The following TBX15 variants were observed in gnomAD, a reference collection of about 807,000 sequenced individuals.
The protein encoded by TBX15 is T-box transcription factor TBX15.
In TBX15, 18 loss-of-function variants were observed where a neutral mutation model predicts 53.9. That is an observed-to-expected ratio of 0.33 (90% CI 0.23 to 0.49). The LOEUF is 0.49. Ranked by LOEUF, TBX15 falls within the 20% of genes least tolerant of loss-of-function variation. The pLI, the probability that TBX15 is intolerant of heterozygous loss-of-function variation, is 0.98. For missense variants in TBX15, 692 were observed against 749.5 expected (o/e 0.92, Z 0.90); for synonymous variants, 295 against 278.0 (o/e 1.06, Z -0.61).
chr1:118,910,550 T>G (rs544027901), intron 6 of TBX15, among the ~76,000 whole-genome samples: 1 of 152,312 alleles, frequency 6.6e-6, no homozygotes, highest in Admixed American at 6.5e-5. Flanking sequence ...TGTATCCTCA[T>G]CTATCAATAT....
At chr1:118,983,121 C>T (rs1174938520) in intron 1 of TBX15, among the ~76,000 whole-genome samples, 1 of 152,126 alleles carries the variant, frequency 6.6e-6, no homozygotes, top group African/African-American at 2.4e-5. Flanking sequence ...ACCCGCACAC[C>T]CCCTTGTGAT....
At chr1:118,928,176 G>C (rs2101604579) in intron 2 of TBX15, among the ~76,000 whole-genome samples, 1 of 152,258 alleles carries the variant, frequency 6.6e-6, no homozygotes, top group African/African-American at 2.4e-5. Context: ...CCTGGCAGTA[G>C]GTCAGTGACA....
chr1:118,886,629 A>G (rs1653953498), intron 7 of TBX15, among the ~76,000 whole-genome samples: 1 of 152,208 alleles, frequency 6.6e-6, no homozygotes, highest in Non-Finnish European at 1.5e-5. Context: ...AACCAATCAT[A>G]CAACCCAAAT....
At chr1:118,890,974 C>G (rs1334854281) in intron 7 of TBX15, 2 of 1,301,404 alleles carry the variant, frequency 1.5e-6, no homozygotes, top group South Asian at 1.2e-5. Flanking sequence ...GGCTTTCAAA[C>G]AGGTAAAAGG....
chr1:118,918,545 A>G (rs1655322411), intron 5 of TBX15, among the ~76,000 whole-genome samples: 1 of 152,238 alleles, frequency 6.6e-6, no homozygotes, highest in Non-Finnish European at 1.5e-5. Flanking sequence ...CAAGTCTGCT[A>G]GTCTACATGT....
At chr1:118,946,945 C>T (rs1656365806) in intron 1 of TBX15, among the ~76,000 whole-genome samples, 1 of 152,224 alleles carries the variant, frequency 6.6e-6, no homozygotes, top group African/African-American at 2.4e-5. Context: ...GAACCCCAAG[C>T]TTACCAGGTT....
chr1:118,960,782 T>C (rs1656846312), intron 1 of TBX15, among the ~76,000 whole-genome samples: 1 of 152,024 alleles, frequency 6.6e-6, no homozygotes, highest in Non-Finnish European at 1.5e-5. Flanking sequence ...GACTCAATCA[T>C]CCCCAGTGTT....
intron 1 of TBX15, among the ~76,000 whole-genome samples, chr1:118,947,184 C>T (rs990867904): frequency 6.6e-6 from 1 of 152,218 alleles, no homozygotes; most frequent in Non-Finnish European, 1.5e-5. Flanking sequence ...CCCAGGTAGG[C>T]CTGCCAAGGC....
At chr1:118,930,341 T>A (rs879464565) in intron 2 of TBX15, among the ~76,000 whole-genome samples, 7 of 152,196 alleles carry the variant, frequency 4.6e-5, no homozygotes, top group Non-Finnish European at 8.8e-5. Context: ...AGCATAACTG[T>A]TTTGCTTAAT....
chr1:118,940,528 C>T (rs528832475), intron 1 of TBX15, among the ~76,000 whole-genome samples: 1 of 151,894 alleles, frequency 6.6e-6, no homozygotes, highest in East Asian at 1.9e-4. Context: ...GAAGTGGGCC[C>T]TACTTGTGCA....
chr1:118,950,470 C>T (rs1355440147), intron 1 of TBX15, among the ~76,000 whole-genome samples: 1 of 152,200 alleles, frequency 6.6e-6, no homozygotes, highest in East Asian at 1.9e-4. Context: ...TGGCCTTAAA[C>T]ATAGTTTAAA....
chr1:118,944,636 GC>G (rs746923769), intron 1 of TBX15, among the ~76,000 whole-genome samples: 1 of 152,130 alleles, frequency 6.6e-6, no homozygotes, highest in Non-Finnish European at 1.5e-5. Flanking sequence ...GGATTTCCTT[GC>G]CAAAGTTGCT....
intron 6 of TBX15, among the ~76,000 whole-genome samples, chr1:118,902,291 C>G (rs1654657214): frequency 6.6e-6 from 1 of 151,834 alleles, no homozygotes; most frequent in Admixed American, 6.6e-5. Flanking sequence ...TTAGAAGGTA[C>G]TAGTTCTATA....
At chr1:118,983,835 C>T (rs574274910) in intron 1 of TBX15, among the ~76,000 whole-genome samples, 2 of 152,344 alleles carry the variant, frequency 1.3e-5, no homozygotes, top group East Asian at 1.9e-4. Context: ...CCGGCCTGTG[C>T]CCTGGCTGGC....
intron 1 of TBX15, among the ~76,000 whole-genome samples, chr1:118,952,266 T>C (rs1396041768): frequency 6.6e-6 from 1 of 152,218 alleles, no homozygotes; most frequent in Non-Finnish European, 1.5e-5. Context: ...CAGCTATTTA[T>C]GTTACTGGTA....
intron 1 of TBX15, among the ~76,000 whole-genome samples, chr1:118,957,595 A>G (rs1033278603): frequency 7.9e-5 from 12 of 152,166 alleles, no homozygotes; most frequent in African/African-American, 2.9e-4. Context: ...AACATTAGGT[A>G]CATCTCCTAA....
rs1461056472 is a variant in TBX15, at chr1:118,987,604, C to T, written c.192G>A (p.Leu64=). 3 of 1,547,894 alleles carry T rather than the reference C, an allele frequency of 1.9e-6. No individual in the cohort carries two copies. Among genetic ancestry groups the T allele is most frequent in the Non-Finnish European group, 2.6e-6 (3 of 1,146,716 alleles). The change falls in exon 1 of 8, where the codon CTG becomes CTA. Residue 64 remains leucine, a synonymous_variant. Transcript: ENST00000369429. ...CGACGCACTCACCCGGGTGAGGCTCCAGGCCGTGTGCCGCCGCGTCCTCCG... is the reference window on the plus strand; with the variant it reads ...CGACGCACTCACCCGGGTGAGGCTCTAGGCCGTGTGCCGCCGCGTCCTCCG... ...GDTEDAAAHG[L]EPHPDSEQST... is the part of the protein sequence containing the mutation.
intron 7 of TBX15, among the ~76,000 whole-genome samples, chr1:118,897,194 G>A (rs531617779): frequency 2.0e-4 from 31 of 152,222 alleles, no homozygotes; most frequent in South Asian, 6.2e-4. Context: ...GCCCAATGGC[G>A]TCCCTCAATG....
At chr1:118,894,626 A>G (rs369527799) in intron 7 of TBX15, among the ~76,000 whole-genome samples, 1 of 150,820 alleles carries the variant, frequency 6.6e-6, no homozygotes, top group East Asian at 2.0e-4. Context: ...AAGGTTAGAG[A>G]TGTGGACAGA....
Sources: gnomAD v4.1 joint callset for allele counts (sites outside exome capture counted in the v4.1 genomes callset) on GRCh38, gnomAD v4.1.1 for gene constraint, MANE v1.5 for transcripts, NCBI Gene and HGNC (gene_info 2026-07-23, HGNC 2026-07-21) for gene names.